FBXL2: variants seen among roughly 807,000 people sequenced by gnomAD.
The protein encoded by FBXL2 is F-box/LRR-repeat protein 2.
Under a neutral mutation model 69.2 loss-of-function variants are expected in FBXL2, and 38 were observed. The observed-to-expected ratio is 0.55, with a 90% CI of 0.42 to 0.72. The LOEUF (loss-of-function observed/expected upper bound fraction) is 0.72, where lower values mean the gene tolerates loss of function less well. Among genes scored for constraint, FBXL2 ranks in the 30% least tolerant of loss-of-function variants. The pLI is 0.00. For missense variants in FBXL2, 354 were observed against 520.3 expected, an observed-to-expected ratio of 0.68 and a Z score of 3.11; for synonymous variants, 192 against 201.3, an observed-to-expected ratio of 0.95 and a Z score of 0.39.
chr3:33,416,497 G>A, the FBXL2 span, among the ~76,000 whole-genome samples: 1 of 152,136 alleles, frequency 6.6e-6, no homozygotes. Flanking sequence ...GAGGCTTATA[G>A]GTTTTTGTTG....
At chr3:33,395,605 C>T (rs1215546622) in intron 12 of FBXL2, among the ~76,000 whole-genome samples, 1 of 151,860 alleles carries the variant, frequency 6.6e-6, no homozygotes, top group Non-Finnish European at 1.5e-5. Context: ...CATAAAAACA[C>T]GGCACCAGAC....
intron 2 of FBXL2, among the ~76,000 whole-genome samples, chr3:33,338,191 C>G (rs888431216): frequency 6.6e-6 from 1 of 152,092 alleles, no homozygotes; most frequent in Non-Finnish European, 1.5e-5. Flanking sequence ...GCAGGTAGAT[C>G]GCTTGCGATC....
chr3:33,323,169 T>A (rs931674941), intron 2 of FBXL2, among the ~76,000 whole-genome samples: 22 of 152,208 alleles, frequency 1.4e-4, no homozygotes, highest in African/African-American at 5.3e-4. Context: ...TGCAAAAGTC[T>A]TTCTTTCTTA....
At chr3:33,420,910 A>G in the FBXL2 span, among the ~76,000 whole-genome samples, 1 of 152,138 alleles carries the variant, frequency 6.6e-6, no homozygotes, top group East Asian at 1.9e-4. Context: ...AGGTGGGTTA[A>G]TTAACATTCT....
chr3:33,380,463 CAGG>C (rs2042968848), intron 13 of FBXL2, among the ~76,000 whole-genome samples: 1 of 149,850 alleles, frequency 6.7e-6, no homozygotes, highest in South Asian at 2.1e-4. Flanking sequence ...GAGGCTGAGG[CAGG>C]AGAATTGCTT....
the FBXL2 span, among the ~76,000 whole-genome samples, chr3:33,418,276 G>A: frequency 6.6e-6 from 1 of 151,642 alleles, no homozygotes; most frequent in African/African-American, 2.4e-5. Flanking sequence ...TATTTTGACA[G>A]GGAGCTTCGT....
chr3:33,282,622 G>A (rs373359878), intron 1 of FBXL2, among the ~76,000 whole-genome samples: 7 of 152,056 alleles, frequency 4.6e-5, no homozygotes, highest in African/African-American at 1.7e-4. Context: ...CATTGAATCT[G>A]TAAATTACCT....
chr3:33,327,602 A>G (rs995016072), intron 2 of FBXL2, among the ~76,000 whole-genome samples: 1 of 152,214 alleles, frequency 6.6e-6, no homozygotes, highest in Non-Finnish European at 1.5e-5. Context: ...AGACCCAGAT[A>G]AAATCAGAAT....
chr3:33,372,149 C>CA (rs779222678), intron 5 of FBXL2, among the ~76,000 whole-genome samples: 26 of 152,088 alleles, frequency 1.7e-4, no homozygotes, highest in Non-Finnish European at 3.4e-4. Context: ...AGGCTGGTCT[C>CA]AAACTCTTGG....
At chr3:33,297,458 G>A (rs546593551) in intron 1 of FBXL2, among the ~76,000 whole-genome samples, 1 of 152,124 alleles carries the variant, frequency 6.6e-6, no homozygotes, top group South Asian at 2.1e-4. Context: ...AAATGGCCAT[G>A]TATTGCCATT....
chr3:33,390,195 AG>A, downstream of FBXL2: 1 of 850,070 alleles, frequency 1.2e-6, no homozygotes, highest in Non-Finnish European at 1.9e-6. Flanking sequence ...ACAGCTCATT[AG>A]AAAGGTCATC....
chr3:33,304,933 C>T (rs915055971), intron 2 of FBXL2, among the ~76,000 whole-genome samples: 3 of 151,994 alleles, frequency 2.0e-5, no homozygotes, highest in South Asian at 2.1e-4. Flanking sequence ...ATTAGTCACA[C>T]GTGTTTCCTC....
At chr3:33,407,324 T>C (rs943020426), downstream of FBXL2, among the ~76,000 whole-genome samples, 29 of 152,196 alleles carry the variant, frequency 1.9e-4, no homozygotes, top group African/African-American at 6.3e-4. Flanking sequence ...TATAATGAAT[T>C]TCTTTTATTT....
chr3:33,362,527 ATG>A (rs2041696988), intron 4 of FBXL2, among the ~76,000 whole-genome samples: 1 of 152,198 alleles, frequency 6.6e-6, no homozygotes, highest in Admixed American at 6.5e-5. Flanking sequence ...AAAATTGTGT[ATG>A]TAGTTTTGTA....
At chr3:33,352,785 A>G (rs1046300563) in intron 2 of FBXL2, among the ~76,000 whole-genome samples, 2 of 152,194 alleles carry the variant, frequency 1.3e-5, no homozygotes, top group Non-Finnish European at 2.9e-5. Context: ...AATCCCAGCT[A>G]CTGAGGAGGC....
chr3:33,409,144 T>C, the FBXL2 span: 1 of 1,262,564 alleles, frequency 7.9e-7, no homozygotes. Flanking sequence ...CACCCAATCT[T>C]CCCCAACCCT....
intron 2 of FBXL2, among the ~76,000 whole-genome samples, chr3:33,318,517 T>A (rs2037905381): frequency 6.6e-6 from 1 of 152,224 alleles, no homozygotes; most frequent in Non-Finnish European, 1.5e-5. Flanking sequence ...GCTGTCCAGA[T>A]AATCATAAGC....
At chr3:33,413,198 C>T in the FBXL2 span, among the ~76,000 whole-genome samples, 3 of 152,018 alleles carry the variant, frequency 2.0e-5, no homozygotes, top group Admixed American at 6.5e-5. Context: ...AAGATGGAGA[C>T]AGAGAAACCC....
intron 12 of FBXL2, among the ~76,000 whole-genome samples, chr3:33,399,123 A>G (rs2044124055): frequency 6.6e-6 from 1 of 152,222 alleles, no homozygotes; most frequent in Non-Finnish European, 1.5e-5. Context: ...GGGATTCACA[A>G]AGTTGTGTTT....
Sources: gnomAD v4.1 joint callset for allele counts (sites outside exome capture counted in the v4.1 genomes callset) on GRCh38, gnomAD v4.1.1 for gene constraint, MANE v1.5 for transcripts, NCBI Gene and HGNC (gene_info 2026-07-23, HGNC 2026-07-21) for gene names.